Variants in SEC22B observed in about 807,000 individuals in gnomAD.
SEC22B encodes SEC22 homolog B, vesicle trafficking protein, also known as vesicle-trafficking protein SEC22b.
A neutral mutation model predicts 31.4 loss-of-function variants in SEC22B; 10 were observed. The ratio of observed to expected loss-of-function variants is 0.32; its 90% CI spans 0.20 to 0.54. The LOEUF (loss-of-function observed/expected upper bound fraction) is 0.54. Ranked by LOEUF, SEC22B falls within the 20% of genes least tolerant of loss-of-function variation. SEC22B has a pLI of 0.94. For missense variants in SEC22B, 130 were observed against 263.4 expected, an observed-to-expected ratio of 0.49 and a Z score of 3.50; for synonymous variants, 60 against 95.9, an observed-to-expected ratio of 0.63 and a Z score of 2.19.
intron 1 of SEC22B, among the ~76,000 whole-genome samples, chr1:120,176,026 G>A (rs1657955292): frequency 6.6e-6 from 1 of 152,170 alleles, no homozygotes; most frequent in South Asian, 2.1e-4. Context: ...TCCCTAAAGA[G>A]TCAAAGAACA....
chr1:120,176,476 G>A lies in SEC22B; in HGVS notation c.-95C>T. ...GACAACAGTTATACCCTATGTCTCA[G>A]TTACCGGAGATCCAGCTGCTTGCGT... On this transcript the variant is annotated 5_prime_UTR_variant, in exon 1 of 5. Coordinates refer to ENST00000578049, the MANE Select transcript of SEC22B (RefSeq NM_004892.6). The A allele has an allele frequency of 1.8e-6, 2 of 1,113,174 alleles. No individual in the cohort carries two copies. The highest frequency in any genetic ancestry group is 2.6e-5 in the East Asian group (1 of 38,054). 69.0% of individuals were successfully genotyped at this position (1,113,174 alleles called of 1,614,324 possible). A position where few individuals can be genotyped will look rare whatever the true frequency, so the allele number is the denominator to read the frequency against.
At chr1:120,157,320 G>A (rs1465385305) in intron 4 of SEC22B, 128 bp from the exon 5 acceptor site, 4 of 647,050 alleles carry the variant, frequency 6.2e-6, no homozygotes, top group Non-Finnish European at 7.0e-6. Flanking sequence ...TTATTTTAAG[G>A]CTAACATTGC....
At chr1:120,159,983 G>A (rs1657686915) in intron 4 of SEC22B, among the ~76,000 whole-genome samples, 1 of 125,250 alleles carries the variant, frequency 8.0e-6, no homozygotes, top group Non-Finnish European at 1.6e-5. Context: ...TTTTTCAGAG[G>A]AATGCCTTGA....
intron 1 of SEC22B, among the ~76,000 whole-genome samples, chr1:120,170,005 G>T (rs1462866504): frequency 2.6e-5 from 4 of 151,418 alleles, no homozygotes; most frequent in African/African-American, 9.7e-5. Flanking sequence ...ACCCCAGAGG[G>T]CTAGCTTGCT....
chr1:120,155,840 T>C lies in SEC22B; in HGVS notation c.*1198A>G, dbSNP rs2101125710. 1 of 151,708 alleles carries C rather than the reference T, an allele frequency of 6.6e-6. No individual in the cohort carries two copies. The highest frequency in any genetic ancestry group is 1.9e-4 in the East Asian group (1 of 5,158). 9.4% of individuals were successfully genotyped at this position (151,708 alleles called of 1,614,324 possible). A position where few individuals can be genotyped will look rare whatever the true frequency, so the allele number is the denominator to read the frequency against. On this transcript the variant is annotated 3_prime_UTR_variant, in exon 5 of 5. Transcript: ENST00000578049. ...GAGCAGAAAAGGAAAAAATCATGGG[T>C]ACTTTAATTAGTTAATAGAAACCAC...
intron 1 of SEC22B, among the ~76,000 whole-genome samples, chr1:120,170,696 TAC>T (rs1160907424): frequency 1.4e-5 from 2 of 145,562 alleles, no homozygotes; most frequent in Non-Finnish European, 3.0e-5. Flanking sequence ...TGTATGTATG[TAC>T]AGTTTTATAT....
intron 4 of SEC22B, among the ~76,000 whole-genome samples, chr1:120,159,938 G>C (rs1657686268): frequency 1.4e-5 from 2 of 146,174 alleles, no homozygotes; most frequent in Non-Finnish European, 3.0e-5. Context: ...AAATAAGTCA[G>C]ACTGGATCTT....
intron 2 of SEC22B, among the ~76,000 whole-genome samples, chr1:120,163,945 CTTTTTTTTTTTTTT>C (rs1169530604): frequency 1.5e-4 from 10 of 68,920 alleles, no homozygotes; most frequent in African/African-American, 5.8e-4. Context: ...ATTAGATTCT[CTTTTTTTTTTTTTT>C]TTTTTTTTTT....
rs1657531901 is a variant in SEC22B at position 120,151,329 on chromosome 1, G to C, written c.*5709C>G. 6.6e-6 allele frequency: 1 copy of C among 152,220 alleles called. No homozygotes were observed. Among genetic ancestry groups the C allele is most frequent in the African/African-American group, 2.4e-5 (1 of 41,430 alleles). The allele number at this position is 152,220 out of a possible 1,614,324, so 9.4% of individuals were successfully genotyped here. A position where few individuals can be genotyped will look rare whatever the true frequency, so the allele number is the denominator to read the frequency against. On this transcript the variant is annotated 3_prime_UTR_variant, in exon 5 of 5. Transcript: ENST00000578049. ...GCACAATGGGGCCAGACTGCGAATG[G>C]CAAACAAGTATGTGATCTTTTATTC...
At chr1:120,164,045 C>T (rs1657764355) in intron 2 of SEC22B, among the ~76,000 whole-genome samples, 1 of 127,630 alleles carries the variant, frequency 7.8e-6, no homozygotes, top group Non-Finnish European at 1.7e-5. Context: ...CAGCAATCTC[C>T]ACCTCCCAGG....
chr1:120,163,435 G>A, intron 2 of SEC22B, 65 bp from the exon 3 acceptor site: 1 of 1,159,830 alleles, frequency 8.6e-7, no homozygotes, highest in Non-Finnish European at 1.2e-6. Flanking sequence ...ACAGTTTAAA[G>A]CAGAATCTCT....
At chr1:120,160,011 A>G (rs1657687334) in intron 4 of SEC22B, among the ~76,000 whole-genome samples, 1 of 143,960 alleles carries the variant, frequency 6.9e-6, no homozygotes, top group Non-Finnish European at 1.5e-5. Context: ...GGCATTTTAT[A>G]AAGATTGATC....
intron 1 of SEC22B, among the ~76,000 whole-genome samples, chr1:120,170,077 A>G (rs1347128174): frequency 1.4e-5 from 2 of 144,938 alleles, no homozygotes; most frequent in Non-Finnish European, 3.0e-5. Context: ...TAGGCCCTCA[A>G]TAGTCACCAA....
In SEC22B at chr1:120,156,864, G is replaced by A. The variant is rs1657636469; in HGVS notation, c.*174C>T. 2.4e-6 allele frequency: 1 copy of A among 414,150 alleles called. No homozygotes were observed. Among genetic ancestry groups the A allele is most frequent in the Admixed American group, 4.3e-5 (1 of 23,028 alleles). The allele number at this position is 414,150 out of a possible 1,614,324, so 25.7% of individuals were successfully genotyped here. On this transcript the variant is annotated 3_prime_UTR_variant, in exon 5 of 5. Transcript: ENST00000578049. ...AAAGAGACTTTCTACATAGGGTTAA[G>A]CTTCATTAAATGAGGTGCAACCTTT... is the stretch of plus-strand genomic sequence containing the variant.
Position 120,154,125 on chromosome 1 carries a change from C to T in SEC22B, c.*2913G>A, listed in dbSNP as rs1205931578. 1 of 152,004 alleles carries T rather than the reference C, an allele frequency of 6.6e-6. No homozygotes were observed. The highest frequency in any genetic ancestry group is 1.5e-5 in the Non-Finnish European group (1 of 67,950). 9.4% of individuals were successfully genotyped at this position (152,004 alleles called of 1,614,324 possible). A position where few individuals can be genotyped will look rare whatever the true frequency, so the allele number is the denominator to read the frequency against. On this transcript the variant is annotated 3_prime_UTR_variant, in exon 5 of 5. Coordinates refer to ENST00000578049, the MANE Select transcript of SEC22B (RefSeq NM_004892.6). The stretch of plus-strand genomic sequence containing the variant: ...CCATATGGCAATCTGGCTTCTGTCT[C>T]CAGTGCTCTGGAATTACTTCTGCCT...
intron 2 of SEC22B, among the ~76,000 whole-genome samples, chr1:120,167,305 C>T (rs1489908499): frequency 1.3e-5 from 2 of 151,768 alleles, no homozygotes; most frequent in Non-Finnish European, 2.9e-5. Flanking sequence ...GTGTAAGCAA[C>T]ATTCTATCAT....
At chr1:120,163,842 T>G (rs1657759328) in intron 2 of SEC22B, among the ~76,000 whole-genome samples, 2 of 151,312 alleles carry the variant, frequency 1.3e-5, no homozygotes, top group African/African-American at 4.9e-5. Flanking sequence ...CCTCCCAAAG[T>G]GCTGGGATTA....
At chr1:120,175,551 A>C (rs1194337647) in intron 1 of SEC22B, among the ~76,000 whole-genome samples, 126 of 151,176 alleles carry the variant, frequency 8.3e-4, no homozygotes, top group Middle Eastern at 3.5e-3. Context: ...AGAAATTTCC[A>C]CTGTGTTTCT....
chr1:120,160,498 T>C lies in SEC22B; in HGVS notation c.379A>G (p.Ile127Val), dbSNP rs1380188791. 2.6e-5 allele frequency: 41 copies of C among 1,600,662 alleles called. No homozygotes were observed. In the African/African-American group the frequency reaches 4.1e-4, roughly 16 times the overall value. Residue 127 changes from isoleucine to valine, a missense_variant, in exon 4 of 5, where the codon ATT becomes GTT. By Grantham distance (29) the Ile-to-Val change is conservative. This residue lies in a region of SEC22B where 53 missense variants were observed against 63.3 expected (regional missense o/e 0.84). Coordinates refer to ENST00000578049, the MANE Select transcript of SEC22B (RefSeq NM_004892.6). ...TFIQKTKKLY[I>V]DSRARRNLGS... ...AGATTTCTTCGAGCACGACTGTCAA[T>C]GTAGAGCTTCTTGGTTTTCTGAATG...
Sources: allele counts gnomAD v4.1 joint callset (sites outside exome capture counted in the v4.1 genomes callset), GRCh38; gene constraint gnomAD v4.1.1; regional missense constraint gnomAD v4.1.1; transcripts MANE v1.5; gene names NCBI Gene and HGNC (gene_info 2026-07-23, HGNC 2026-07-21).